The following ABL2 variants were observed in gnomAD, a reference collection of about 807,000 sequenced individuals.
ABL2 encodes ABL proto-oncogene 2, non-receptor tyrosine kinase.
Under a neutral mutation model 107.7 loss-of-function variants are expected in ABL2, and 49 were observed. The ratio of observed to expected loss-of-function variants is 0.45; its 90% CI spans 0.36 to 0.58. The LOEUF is 0.58. ABL2 is among the 20% of genes least tolerant of loss of function. The pLI is 0.00. For synonymous variants in ABL2, 549 were observed against 548.6 expected (o/e 1.00, Z -0.01); for missense variants, 1,245 against 1,457.0 (o/e 0.85, Z 2.37).
chr1:179,174,064 C>A (rs185349177), intron 1 of ABL2, among the ~76,000 whole-genome samples: 2 of 152,020 alleles, frequency 1.3e-5, no homozygotes, highest in Admixed American at 6.6e-5. Context: ...CCGAGGTGGG[C>A]GGATCACAAG....
At chr1:179,124,762 C>A (rs1655580841) in intron 4 of ABL2, among the ~76,000 whole-genome samples, 1 of 152,118 alleles carries the variant, frequency 6.6e-6, no homozygotes, top group Non-Finnish European at 1.5e-5. Context: ...CCATGCCTGG[C>A]CTCTGCTTCT....
intron 1 of ABL2, among the ~76,000 whole-genome samples, chr1:179,172,329 T>C (rs571611979): frequency 2.6e-5 from 4 of 152,204 alleles, no homozygotes; most frequent in Admixed American, 2.0e-4. Flanking sequence ...CCACTCTCTG[T>C]ATATACACAT....
In ABL2 at chr1:179,191,481, C is replaced by T. The variant is rs958526518; in HGVS notation, c.157+37760G>A. Among the ~76,000 whole-genome samples, 168 of 127,068 alleles carry T rather than the reference C, an allele frequency of 1.3e-3. 1 individual carries two copies. The highest frequency in any genetic ancestry group is 4.9e-3 in the African/African-American group (163 of 33,308). The allele number at this position is 127,068 out of a possible 152,430, so 83.4% of individuals were successfully genotyped here. On this transcript the variant is annotated intron_variant, in intron 1 of 11. Coordinates refer to ENST00000502732, the MANE Select transcript of ABL2 (RefSeq NM_007314.4). The stretch of plus-strand genomic sequence containing the variant: ...TATTGCCCAGGCTGGAGTGCAAAGG[C>T]ACAATCTCGGCTCACTGCAACCTCT...
At chr1:179,114,783 C>G in intron 9 of ABL2, 95 bp downstream of exon 9, 1 of 1,298,826 alleles carries the variant, frequency 7.7e-7, no homozygotes, top group Non-Finnish European at 1.0e-6. Flanking sequence ...TGGATTCAAT[C>G]TAACAACACT....
In ABL2 at chr1:179,201,959, C is replaced by T. The variant is rs575466105; in HGVS notation, c.157+27282G>A. 1.3e-3 allele frequency: 1,487 copies of T among 1,156,882 alleles called. 1 individual carries two copies. The highest frequency in any genetic ancestry group is 1.3e-3 in the Non-Finnish European group (1,249 of 926,342). The allele number at this position is 1,156,882 out of a possible 1,614,324, so 71.7% of individuals were successfully genotyped here. A position where few individuals can be genotyped will look rare whatever the true frequency, so the allele number is the denominator to read the frequency against. ...TCCTGCCACCCAACCCCAGCCAGGG[C>T]TCAATCTCAGGGGTCCGAGGAACAG... is the stretch of plus-strand genomic sequence containing the variant. On this transcript the variant is annotated intron_variant, in intron 1 of 11. Coordinates refer to ENST00000502732, the MANE Select transcript of ABL2 (RefSeq NM_007314.4).
At chr1:179,227,853 C>T (rs564284687) in intron 1 of ABL2, among the ~76,000 whole-genome samples, 1 of 151,604 alleles carries the variant, frequency 6.6e-6, no homozygotes, top group Admixed American at 6.6e-5. Flanking sequence ...GCGTTCGAGA[C>T]CAGCCTGGCC....
At chr1:179,220,523 A>G (rs1159834237) in intron 1 of ABL2, among the ~76,000 whole-genome samples, 1 of 152,220 alleles carries the variant, frequency 6.6e-6, no homozygotes, top group Non-Finnish European at 1.5e-5. Context: ...AAATCTACCA[A>G]GGAAGAAATT....
chr1:179,134,178 C>T (rs959555390), intron 1 of ABL2, among the ~76,000 whole-genome samples: 5 of 152,084 alleles, frequency 3.3e-5, no homozygotes, highest in African/African-American at 1.2e-4. Context: ...TAAACAAATG[C>T]CCAAATTACA....
chr1:179,229,170 G>GCCCCCCCCCCCCCCCCCCCCCCC, intron 1 of ABL2, 71 bp downstream of exon 1: 1 of 266,254 alleles, frequency 3.8e-6, no homozygotes, highest in Non-Finnish European at 6.8e-6. Context: ...CAGCCCGTCC[G>GCCCCCCCCCCCCCCCCCCCCCCC]CCACCCACCC....
At chr1:179,158,694 G>C (rs1658859978) in intron 1 of ABL2, among the ~76,000 whole-genome samples, 1 of 152,096 alleles carries the variant, frequency 6.6e-6, no homozygotes. Context: ...CACACAAAAA[G>C]AACATTCCTT....
Position 179,105,052 on chromosome 1 carries a change from T to C in ABL2, c.*2666A>G. ...TGAGCCCTCAACCCCTGAAGTTACATAGTTCAAGCATCATGTGGACGGGGT... is the reference window on the plus strand; with the variant it reads ...TGAGCCCTCAACCCCTGAAGTTACACAGTTCAAGCATCATGTGGACGGGGT... On this transcript the variant is annotated 3_prime_UTR_variant, in exon 12 of 12. Coordinates refer to ENST00000502732, the MANE Select transcript of ABL2 (RefSeq NM_007314.4). 1 of 229,994 alleles carries C rather than the reference T, an allele frequency of 4.3e-6. No homozygotes were observed. The highest frequency in any genetic ancestry group is 8.6e-6 in the Non-Finnish European group (1 of 115,976). 14.2% of individuals were successfully genotyped at this position (229,994 alleles called of 1,614,324 possible).
chr1:179,208,688 T>C (rs990231151), intron 1 of ABL2, among the ~76,000 whole-genome samples: 2 of 152,152 alleles, frequency 1.3e-5, no homozygotes, highest in African/African-American at 4.8e-5. Flanking sequence ...TAGCCAAATG[T>C]CCTTGTCTGT....
intron 8 of ABL2, 110 bp downstream of exon 8, chr1:179,117,222 G>A (rs929992156): frequency 9.4e-7 from 1 of 1,058,496 alleles, no homozygotes; most frequent in Non-Finnish European, 1.4e-6. Context: ...GAAGAAGAAT[G>A]GCAGGTAAAG....
intron 1 of ABL2, among the ~76,000 whole-genome samples, chr1:179,214,954 G>A (rs369599374): frequency 3.4e-4 from 52 of 152,238 alleles, no homozygotes; most frequent in South Asian, 3.3e-3. Context: ...GAGGTCAGGA[G>A]TTTGAGACCA....
At position 179,107,531 on chromosome 1, in the gene ABL2, A is replaced by G; in HGVS notation, c.*187T>C. ...CCCCCACTTAATTTACCTCTCCTAT[A>G]CTTATGTGGTTTGCTTCTTATTTTT... On this transcript the variant is annotated 3_prime_UTR_variant, in exon 12 of 12. Transcript: ENST00000502732. The G allele has an allele frequency of 8.2e-7, 1 of 1,219,546 alleles. No individual in the cohort carries two copies. Among genetic ancestry groups the G allele is most frequent in the Non-Finnish European group, 1.1e-6 (1 of 910,572 alleles). The allele number at this position is 1,219,546 out of a possible 1,614,324, so 75.5% of individuals were successfully genotyped here. A position where few individuals can be genotyped will look rare whatever the true frequency, so the allele number is the denominator to read the frequency against.
chr1:179,110,935 T>C (rs1288496286), intron 10 of ABL2: 17 of 1,546,822 alleles, frequency 1.1e-5, no homozygotes, highest in Non-Finnish European at 1.4e-5. Flanking sequence ...ATGAAAGCTG[T>C]GGTTACTCTG....
chr1:179,166,837 C>G (rs1005288290), intron 1 of ABL2, among the ~76,000 whole-genome samples: 2 of 147,886 alleles, frequency 1.4e-5, no homozygotes, highest in Admixed American at 1.3e-4. Flanking sequence ...AAATGCAAAT[C>G]AAAACCACAA....
chr1:179,226,988 T>C (rs1462208542), intron 1 of ABL2, among the ~76,000 whole-genome samples: 2 of 152,160 alleles, frequency 1.3e-5, no homozygotes. Context: ...AAAAAAACCC[T>C]TGTTTGTTGA....
rs1374990110 is a variant in ABL2 at position 179,099,963 on chromosome 1, T to G, written c.*7755A>C. 4.3e-6 allele frequency: 1 copy of G among 232,562 alleles called. No homozygotes were observed. The highest frequency in any genetic ancestry group is 2.2e-5 in the African/African-American group (1 of 45,304). 14.4% of individuals were successfully genotyped at this position (232,562 alleles called of 1,614,324 possible). On this transcript the variant is annotated 3_prime_UTR_variant, in exon 12 of 12. Transcript: ENST00000502732. The stretch of plus-strand genomic sequence containing the variant: ...ACTGCTGTTCATCCAAGGAAAGATC[T>G]GAGCGATTCCTCTTTTACTTACTCC...
Sources: gnomAD v4.1 joint callset for allele counts (sites outside exome capture counted in the v4.1 genomes callset) on GRCh38, gnomAD v4.1.1 for gene constraint, MANE v1.5 for transcripts, NCBI Gene and HGNC (gene_info 2026-07-23, HGNC 2026-07-21) for gene names.